Variants in ILRUN observed in about 807,000 individuals in gnomAD.
ILRUN encodes the protein protein ILRUN.
A neutral mutation model predicts 33.8 loss-of-function variants in ILRUN; 3 were observed. That is an observed-to-expected ratio of 0.09 (90% confidence interval 0.04 to 0.23). The LOEUF (loss-of-function observed/expected upper bound fraction) is 0.23. Ranked by LOEUF, ILRUN falls within the 10% of genes least tolerant of loss-of-function variation. ILRUN has a pLI of 1.00. For missense variants in ILRUN, 210 were observed against 375.1 expected (o/e 0.56, Z 3.64); for synonymous variants, 124 against 138.9 (o/e 0.89, Z 0.75).
intron 1 of ILRUN, among the ~76,000 whole-genome samples, chr6:34,671,547 A>T (rs1285029592): frequency 6.6e-6 from 1 of 152,278 alleles, no homozygotes; most frequent in Non-Finnish European, 1.5e-5. Flanking sequence ...AACTTAATGG[A>T]TCATTCAACT....
At chr6:34,621,697 C>A (rs1762015853) in intron 3 of ILRUN, among the ~76,000 whole-genome samples, 1 of 152,006 alleles carries the variant, frequency 6.6e-6, no homozygotes, top group South Asian at 2.1e-4. Flanking sequence ...CCCGTCTCTA[C>A]TAAAAATACA....
intron 3 of ILRUN, among the ~76,000 whole-genome samples, chr6:34,614,443 A>AAAAAAATATAT (rs71000073): frequency 9.1e-4 from 122 of 133,574 alleles, no homozygotes; most frequent in African/African-American, 1.5e-3. Flanking sequence ...AAAAAAAAAA[A>AAAAAAATATAT]ATATATATAT....
intron 1 of ILRUN, among the ~76,000 whole-genome samples, chr6:34,677,222 A>C (rs532004642): frequency 6.6e-6 from 1 of 152,144 alleles, no homozygotes; most frequent in South Asian, 2.1e-4. Context: ...CAGGAGAGTC[A>C]CTTGAACCCA....
intron 2 of ILRUN, among the ~76,000 whole-genome samples, chr6:34,647,865 A>G (rs1371120624): frequency 6.6e-6 from 1 of 151,714 alleles, no homozygotes; most frequent in African/African-American, 2.4e-5. Context: ...GCCTGGCCTA[A>G]TTTTTGCATT....
chr6:34,601,715 C>G (rs1181362314), intron 4 of ILRUN, among the ~76,000 whole-genome samples: 12 of 150,706 alleles, frequency 8.0e-5, no homozygotes, highest in Non-Finnish European at 1.6e-4. Context: ...GCCCCCCCAA[C>G]TACTGTTTCT....
rs1189830968 is a variant in ILRUN at position 34,658,484 on chromosome 6, C to CTT, written c.159-3707_159-3706dup. Among the ~76,000 whole-genome samples, 39 of 133,250 alleles carry CTT rather than the reference C, an allele frequency of 2.9e-4. No individual in the cohort carries two copies. The South Asian group carries it at 9.2e-3, about 32-fold the overall frequency. 87.4% of individuals were successfully genotyped at this position (133,250 alleles called of 152,430 possible). A position where few individuals can be genotyped will look rare whatever the true frequency, so the allele number is the denominator to read the frequency against. On this transcript the variant is annotated intron_variant, in intron 1 of 4. Coordinates refer to ENST00000374023, the MANE Select transcript of ILRUN (RefSeq NM_024294.4). ...ATTTTACCACAATGAAATAATTTTT[C>CTT]TTTTTCTTTTTTTTTTTTTTTTTTA... is the stretch of plus-strand genomic sequence containing the variant.
chr6:34,611,000 C>A (rs889991429), intron 3 of ILRUN, among the ~76,000 whole-genome samples: 2 of 151,874 alleles, frequency 1.3e-5, no homozygotes, highest in African/African-American at 4.8e-5. Flanking sequence ...CACTTGAGCC[C>A]AGGAGTTTGA....
At chr6:34,685,079 T>G (rs1407491651) in intron 1 of ILRUN, among the ~76,000 whole-genome samples, 1 of 152,208 alleles carries the variant, frequency 6.6e-6, no homozygotes, top group Non-Finnish European at 1.5e-5. Flanking sequence ...GGACTATGCC[T>G]ATGTTACTCT....
chr6:34,626,024 G>A (rs1003795221), intron 3 of ILRUN, among the ~76,000 whole-genome samples: 4 of 151,636 alleles, frequency 2.6e-5, no homozygotes, highest in African/African-American at 9.7e-5. Flanking sequence ...CTAATTTTTT[G>A]TATTTTTAGT....
At position 34,660,660 on chromosome 6, in the gene ILRUN, A is replaced by G. The variant is rs539499449; in HGVS notation, c.159-5881T>C. On this transcript the variant is annotated intron_variant, in intron 1 of 4. Coordinates refer to ENST00000374023, the MANE Select transcript of ILRUN (RefSeq NM_024294.4). ...AAGACCTTACTATCTCTGAATGACC[A>G]AAAAGGTAATTTGGCCGGAAAAAGG... is the stretch of plus-strand genomic sequence containing the variant. 1.1e-4 allele frequency among the ~76,000 whole-genome samples: 16 copies of G among 152,272 alleles called. No individual in the cohort carries two copies. In the South Asian group the frequency reaches 3.1e-3, roughly 30 times the overall value.
At chr6:34,641,865 A>G (rs1193910560) in intron 3 of ILRUN, among the ~76,000 whole-genome samples, 1 of 152,220 alleles carries the variant, frequency 6.6e-6, no homozygotes, top group Non-Finnish European at 1.5e-5. Flanking sequence ...TTAAATCTAA[A>G]AAAAAGAAAA....
intron 3 of ILRUN, among the ~76,000 whole-genome samples, chr6:34,625,075 G>C (rs1762090967): frequency 6.6e-6 from 1 of 152,170 alleles, no homozygotes; most frequent in Non-Finnish European, 1.5e-5. Context: ...TCTCTCCAAA[G>C]AGAACTACAC....
rs562100201 is a variant in ILRUN at position 34,588,163 on chromosome 6, A to T, written c.*2402T>A. On this transcript the variant is annotated 3_prime_UTR_variant, in exon 5 of 5. Transcript: ENST00000374023. ...TGCCTGCACTCCATGACTTGCACTT[A>T]CTCTGGCCCTCTGCAAGGAGCTCAT... 2.5e-6 allele frequency: 1 copy of T among 398,648 alleles called. No individual in the cohort carries two copies. The highest frequency in any genetic ancestry group is 1.3e-4 in the South Asian group (1 of 7,854). 24.7% of individuals were successfully genotyped at this position (398,648 alleles called of 1,614,324 possible). A position where few individuals can be genotyped will look rare whatever the true frequency, so the allele number is the denominator to read the frequency against.
intron 1 of ILRUN, among the ~76,000 whole-genome samples, chr6:34,677,777 C>T (rs1763268048): frequency 6.6e-6 from 1 of 151,838 alleles, no homozygotes; most frequent in South Asian, 2.1e-4. Context: ...GACAAAACCC[C>T]CTATGTACAA....
rs1430882628 is a variant in ILRUN, at chr6:34,650,401, A to ATT, written c.314-3605_314-3604dup. ...AAATATTAGGAGCTTAATTTTATTTATTTATTTTTATTTATTTATTTATTT... is the reference window on the plus strand; with the variant it reads ...AAATATTAGGAGCTTAATTTTATTTATTTTTATTTTTATTTATTTATTTATTT... On this transcript the variant is annotated intron_variant, in intron 2 of 4. Transcript: ENST00000374023. 8.3e-4 allele frequency among the ~76,000 whole-genome samples: 116 copies of ATT among 139,332 alleles called. 1 individual carries two copies. In the East Asian group the frequency reaches 0.011, roughly 13 times the overall value. 91.4% of individuals were successfully genotyped at this position (139,332 alleles called of 152,430 possible).
chr6:34,692,208 A>G (rs1436853574), intron 1 of ILRUN, among the ~76,000 whole-genome samples: 3 of 152,122 alleles, frequency 2.0e-5, no homozygotes, highest in Admixed American at 1.3e-4. Context: ...AAGCAATCCT[A>G]CTGCCCTGGC....
At position 34,606,699 on chromosome 6, in the gene ILRUN, G is replaced by A. The variant is rs769969729; in HGVS notation, c.717C>T (p.Ser239=). The A allele has an allele frequency of 1.9e-6, 3 of 1,614,200 alleles. No homozygotes were observed. Among genetic ancestry groups the A allele is most frequent in the Non-Finnish European group, 2.5e-6 (3 of 1,180,034 alleles). Residue 239 remains serine, a synonymous_variant, in exon 4 of 5, where the codon AGC becomes AGT. Coordinates refer to ENST00000374023, the MANE Select transcript of ILRUN (RefSeq NM_024294.4). ...CAGGAGCAGGAGCCCATGTGTTTTT[G>A]CTGATCGAGTCGAACTCGGAGCCCC... ...DPGGSEFDSI[S]KNTWAPAPDT...
chr6:34,638,206 C>T (rs1762405038), intron 3 of ILRUN, among the ~76,000 whole-genome samples: 1 of 152,018 alleles, frequency 6.6e-6, no homozygotes, highest in South Asian at 2.1e-4. Context: ...GACTTTGACT[C>T]ACACAGAACT....
At chr6:34,679,637 G>A (rs1194185152) in intron 1 of ILRUN, among the ~76,000 whole-genome samples, 2 of 152,206 alleles carry the variant, frequency 1.3e-5, no homozygotes, top group East Asian at 1.9e-4. Flanking sequence ...ACAACAAGGT[G>A]TGCAATAGGT....
Sources: allele counts gnomAD v4.1 joint callset (sites outside exome capture counted in the v4.1 genomes callset), GRCh38; gene constraint gnomAD v4.1.1; transcripts MANE v1.5; gene names NCBI Gene and HGNC (gene_info 2026-07-23, HGNC 2026-07-21).